PARP14: variants seen among roughly 807,000 people sequenced by gnomAD.
PARP14 encodes protein mono-ADP-ribosyltransferase PARP14.
PARP14 carries 59 observed loss-of-function variants against 154.2 expected under a neutral mutation model. The observed-to-expected ratio is 0.38, with a 90% confidence interval of 0.31 to 0.48. The LOEUF (loss-of-function observed/expected upper bound fraction) is 0.48, where lower values mean the gene tolerates loss of function less well. Ranked by LOEUF, PARP14 falls within the 20% of genes least tolerant of loss-of-function variation. The pLI is 0.98. For missense variants in PARP14, 1,734 were observed against 2,131.6 expected (o/e 0.81, Z 3.67); for synonymous variants, 720 against 780.5 (o/e 0.92, Z 1.29).
Position 122,718,590 on chromosome 3 carries a change from A to G in PARP14, c.4439A>G (p.Lys1480Arg), listed in dbSNP as rs1330199129. The change falls in exon 14 of 17, where the codon AAG becomes AGG. Residue 1480 changes from lysine to arginine, a missense_variant. Coordinates refer to ENST00000474629, the MANE Select transcript of PARP14 (RefSeq NM_017554.3). ...TATCAGGAGTTGAATGAGCTGCAGAAGAAGTTAAATATTAACATTTCCCTG... is the reference window on the plus strand; with the variant it reads ...TATCAGGAGTTGAATGAGCTGCAGAGGAAGTTAAATATTAACATTTCCCTG... The part of the protein sequence containing the change: ...KEYQELNELQ[K>R]KLNINISLDH... The G allele has an allele frequency of 1.2e-6, 2 of 1,614,016 alleles. No homozygotes were observed. Among genetic ancestry groups the G allele is most frequent in the South Asian group, 1.1e-5 (1 of 91,076 alleles).
Position 122,712,945 on chromosome 3 carries a change from CA to C in PARP14, c.3620-478del, listed in dbSNP as rs1391529627. Among the ~76,000 whole-genome samples the C allele has an allele frequency of 7.2e-4, 110 of 152,314 alleles. 2 individuals are homozygous for C. Among genetic ancestry groups the C allele is most frequent in the Non-Finnish European group, 5.7e-4 (39 of 68,036 alleles). On this transcript the variant is annotated intron_variant, in intron 9 of 16. Coordinates refer to ENST00000474629, the MANE Select transcript of PARP14 (RefSeq NM_017554.3). Reference sequence around the variant, plus strand: ...AAGCAATTTTGGAATACAGACTTGACATTTTAAATATTATGTTGTGAGACTA... The same window carrying C: ...AAGCAATTTTGGAATACAGACTTGACTTTTAAATATTATGTTGTGAGACTA...
intron 8 of PARP14, among the ~76,000 whole-genome samples, chr3:122,707,034 T>G (rs937682041): frequency 2.0e-5 from 3 of 152,238 alleles, no homozygotes; most frequent in African/African-American, 7.2e-5. Context: ...TGGTAATTCA[T>G]GTTCATTGTA....
At chr3:122,704,502 TA>T in intron 7 of PARP14, 24 bp from the exon 8 acceptor site, 1 of 1,422,616 alleles carries the variant, frequency 7.0e-7, no homozygotes, top group Non-Finnish European at 9.8e-7. Flanking sequence ...ACAAGATGTA[TA>T]AGGATGTGCT....
At chr3:122,703,584 A>G (rs1336055912) in intron 6 of PARP14, among the ~76,000 whole-genome samples, 158 bp from the exon 7 acceptor site, 1 of 152,170 alleles carries the variant, frequency 6.6e-6, no homozygotes, top group African/African-American at 2.4e-5. Flanking sequence ...TTCAATAAGT[A>G]TTTAGTCACA....
chr3:122,713,224 T>G (rs1386481507), intron 9 of PARP14, among the ~76,000 whole-genome samples, 200 bp from the exon 10 acceptor site: 1 of 152,210 alleles, frequency 6.6e-6, no homozygotes, highest in African/African-American at 2.4e-5. Flanking sequence ...GAGTTCATGT[T>G]TGATATGGAT....
rs765984469 is a variant in PARP14, at chr3:122,692,416, G to A, written c.471G>A (p.Lys157=). Residue 157 remains lysine (K), a synonymous_variant, in exon 4 of 17, where the codon AAG becomes AAA. Transcript: ENST00000474629. The stretch of plus-strand genomic sequence containing the variant: ...CTTTGGTGGCATTTGAAAACCTCAA[G>A]GCAAATGTGACTGACATAATGCTAA... ...ISSLVAFENL[K]ANVTDIMLIL... 20 of 1,613,696 alleles carry A rather than the reference G, an allele frequency of 1.2e-5. No homozygotes were observed. Among genetic ancestry groups the A allele is most frequent in the Non-Finnish European group, 1.6e-5 (19 of 1,179,766 alleles).
At chr3:122,694,664 C>T (rs1938710892) in intron 4 of PARP14, among the ~76,000 whole-genome samples, 4 of 152,094 alleles carry the variant, frequency 2.6e-5, no homozygotes, top group South Asian at 2.1e-4. Flanking sequence ...GGACTACAGG[C>T]GCGCACAACC....
At chr3:122,683,378 G>T (rs1938275267) in intron 1 of PARP14, 2 of 546,284 alleles carry the variant, frequency 3.7e-6, no homozygotes, top group Admixed American at 6.4e-5. Context: ...GAGCCCACCA[G>T]CACTTCTCCG....
rs1938885643 is a variant in PARP14, at chr3:122,699,591, A to G, written c.1037A>G (p.Asp346Gly). ...KKNHLIEEIN[D>G]EMRRCHCELT... The stretch of plus-strand genomic sequence containing the variant: ...AATCACCTCATTGAGGAGATAAACG[A>G]TGAAATGAGGCGTTGTCACTGTGAG... Residue 346 changes from aspartate (D) to glycine (G), a missense_variant, in exon 6 of 17, where the codon GAT (aspartate) becomes GGT (glycine). Physicochemically the swap from Asp to Gly is moderately conservative, Grantham distance 94. This residue lies in a region of PARP14 where 1,646 missense variants were observed against 1,976.0 expected (regional missense o/e 0.83). Coordinates refer to ENST00000474629, the MANE Select transcript of PARP14 (RefSeq NM_017554.3). 6.2e-7 allele frequency: 1 copy of G among 1,613,816 alleles called. No homozygotes were observed. Among genetic ancestry groups the G allele is most frequent in the Admixed American group, 1.7e-5 (1 of 60,014 alleles).
intron 4 of PARP14, among the ~76,000 whole-genome samples, chr3:122,692,896 C>T (rs1938586485): frequency 6.6e-6 from 1 of 152,152 alleles, no homozygotes; most frequent in Admixed American, 6.5e-5. Context: ...CATGTGTTAT[C>T]TCACTGGGTG....
intron 16 of PARP14, 90 bp downstream of exon 16, chr3:122,728,076 C>A: frequency 8.3e-7 from 1 of 1,208,352 alleles, no homozygotes; most frequent in Non-Finnish European, 1.2e-6. Flanking sequence ...ATTGTGGTCC[C>A]CCATCATTGG....
At chr3:122,697,947 C>T (rs987807155) in intron 5 of PARP14, among the ~76,000 whole-genome samples, 6 of 152,136 alleles carry the variant, frequency 3.9e-5, no homozygotes, top group Non-Finnish European at 5.9e-5. Context: ...TAATCTTGGC[C>T]GAGTTACTTT....
intron 14 of PARP14, among the ~76,000 whole-genome samples, chr3:122,719,325 C>A (rs1933099266): frequency 6.6e-6 from 1 of 152,042 alleles, no homozygotes; most frequent in African/African-American, 2.4e-5. Context: ...TTTTCTAGAA[C>A]AAAAAAGGCC....
rs768472486 is a variant in PARP14, at chr3:122,701,494, C to G, written c.2940C>G (p.Ala980=). The G allele has an allele frequency of 1.2e-6, 2 of 1,613,780 alleles. No homozygotes were observed. Among genetic ancestry groups the G allele is most frequent in the Admixed American group, 1.7e-5 (1 of 59,978 alleles). Residue 980 remains alanine, a synonymous_variant, in exon 6 of 17, where the codon GCC becomes GCG. Coordinates refer to ENST00000474629, the MANE Select transcript of PARP14 (RefSeq NM_017554.3). The surrounding 1 kb of genome is among the most constrained non-coding windows in gnomAD (Gnocchi z 4.0). ...AAGCTGTGAAAACTGTATTTAAAGC[C>G]ACCCTGCCAGATACAGCTGCCCCGC... ...FAEAVKTVFK[A]TLPDTAAPPG... is the part of the protein sequence containing the mutation.
intron 7 of PARP14, 95 bp from the exon 8 acceptor site, chr3:122,704,432 G>A: frequency 1.4e-6 from 1 of 705,022 alleles, no homozygotes; most frequent in Non-Finnish European, 2.5e-6. Flanking sequence ...GCAAAAAGGA[G>A]TATTCAAGTT....
rs1158607010 is a variant in PARP14 at position 122,728,520 on chromosome 3, G to A, written c.5329G>A (p.Val1777Met). 6.2e-7 allele frequency: 1 copy of A among 1,613,654 alleles called. No individual in the cohort carries two copies. The highest frequency in any genetic ancestry group is 8.5e-7 in the Non-Finnish European group (1 of 1,179,626). Residue 1777 changes from valine to methionine, a missense_variant, in exon 17 of 17, where the codon GTG becomes ATG. Coordinates refer to ENST00000474629, the MANE Select transcript of PARP14 (RefSeq NM_017554.3). ...TDLYDTVTDN[V>M]HHPSLFVAFY... ...CCTGTATGACACTGTCACAGATAAT[G>A]TGCACCATCCAAGTTTATTTGTGGC...
rs1033441076 is a variant in PARP14, at chr3:122,700,344, A to C, written c.1790A>C (p.Asn597Thr). ...EAEKQMLSAL[N>T]YKRIEVENKE... ...GAAAAGCAAATGCTCAGTGCCTTAA[A>C]TTATAAGCGCATTGAAGTTGAGAAC... is the stretch of plus-strand genomic sequence containing the variant. Residue 597 changes from asparagine (N) to threonine (T), a missense_variant, in exon 6 of 17, where the codon AAT (asparagine) becomes ACT (threonine). This residue lies in a region of PARP14 where 1,646 missense variants were observed against 1,976.0 expected (regional missense o/e 0.83). Coordinates refer to ENST00000474629, the MANE Select transcript of PARP14 (RefSeq NM_017554.3). 1.9e-5 allele frequency: 31 copies of C among 1,613,848 alleles called. No individual in the cohort carries two copies. Among genetic ancestry groups the C allele is most frequent in the Non-Finnish European group, 2.6e-5 (31 of 1,179,804 alleles).
chr3:122,705,841 G>A (rs1487644766), intron 8 of PARP14, among the ~76,000 whole-genome samples: 39 of 152,178 alleles, frequency 2.6e-4, no homozygotes, highest in Admixed American at 2.6e-3. Context: ...CAAACCACCT[G>A]AGTAAAATAT....
intron 9 of PARP14, among the ~76,000 whole-genome samples, chr3:122,708,961 A>G (rs748930410): frequency 1.2e-4 from 19 of 152,130 alleles, no homozygotes; most frequent in Non-Finnish European, 2.6e-4. Flanking sequence ...TATTTTAGAT[A>G]CGTATGTGTA....
Sources: gnomAD v4.1 joint callset for allele counts (sites outside exome capture counted in the v4.1 genomes callset) on GRCh38, gnomAD v4.1.1 for gene constraint, gnomAD v4.1.1 regional missense constraint, Gnocchi (gnomAD v3.1) non-coding constraint, MANE v1.5 for transcripts, NCBI Gene and HGNC (gene_info 2026-07-23, HGNC 2026-07-21) for gene names.